WFDC3: variants seen among roughly 807,000 people sequenced by gnomAD.
The protein encoded by WFDC3 is WAP four-disulfide core domain 3, also known as WAP four-disulfide core domain protein 3.
In WFDC3, 15 loss-of-function variants were observed where a neutral mutation model predicts 25.8. The ratio of observed to expected loss-of-function variants is 0.58; its 90% confidence interval spans 0.39 to 0.89. The LOEUF is 0.89. Among genes scored for constraint, WFDC3 ranks in the 40% least tolerant of loss-of-function variants. The pLI is 0.00. For synonymous variants in WFDC3, 103 were observed against 107.1 expected (o/e 0.96, Z 0.24); for missense variants, 264 against 289.8 (o/e 0.91, Z 0.65).
rs141215025 is a variant in WFDC3, at chr20:45,787,177, CTT to C, written c.358+657_358+658del. Among the ~76,000 whole-genome samples the C allele has an allele frequency of 6.9e-3, 928 of 134,402 alleles. 5 individuals carry two copies. The highest frequency in any genetic ancestry group is 0.019 in the South Asian group (80 of 4,198). 88.2% of individuals were successfully genotyped at this position (134,402 alleles called of 152,430 possible). ...GCCACCTTCCATAGGCATCAAGATT[CTT>C]TTTTTTTTTTCTGTCTCTGCAGATT... On this transcript the variant is annotated intron_variant, in intron 4 of 6. Transcript: ENST00000243938.
intron 2 of WFDC3, 144 bp from the exon 3 acceptor site, chr20:45,789,203 C>G (rs1980827809): frequency 2.0e-6 from 2 of 997,092 alleles, no homozygotes. Flanking sequence ...GACCCTGTCT[C>G]TTAAAAAAAA....
At chr20:45,775,017 A>G (rs1279079452) in intron 6 of WFDC3, among the ~76,000 whole-genome samples, 1 of 151,140 alleles carries the variant, frequency 6.6e-6, no homozygotes, top group African/African-American at 2.4e-5. Context: ...CCTCCCAAAC[A>G]TATCCCACAC....
chr20:45,778,281 T>C (rs111621993), intron 4 of WFDC3, among the ~76,000 whole-genome samples: 3 of 152,214 alleles, frequency 2.0e-5, no homozygotes, highest in African/African-American at 7.2e-5. Flanking sequence ...AGCTCCCAGA[T>C]GAATGCAGCT....
At chr20:45,774,512 C>T (rs1568696378) in intron 6 of WFDC3, 68 bp from the exon 7 acceptor site, 2 of 1,611,350 alleles carry the variant, frequency 1.2e-6, no homozygotes, top group Non-Finnish European at 1.7e-6. Flanking sequence ...AATGTTTTCC[C>T]TCCACCCTAG....
intron 4 of WFDC3, among the ~76,000 whole-genome samples, chr20:45,783,947 C>T (rs1390522955): frequency 6.6e-6 from 1 of 152,182 alleles, no homozygotes; most frequent in African/African-American, 2.4e-5. Context: ...CTAGGAACCC[C>T]GCTCAGCCCA....
intron 2 of WFDC3, among the ~76,000 whole-genome samples, chr20:45,789,355 A>G (rs1444045885): frequency 2.0e-4 from 31 of 151,712 alleles, no homozygotes; most frequent in Admixed American, 2.0e-3. Flanking sequence ...AAATACAAAA[A>G]ATTAGCTGGG....
At chr20:45,782,929 G>T (rs1390498918) in intron 4 of WFDC3, among the ~76,000 whole-genome samples, 1 of 152,144 alleles carries the variant, frequency 6.6e-6, no homozygotes, top group African/African-American at 2.4e-5. Flanking sequence ...ACCCCCGAAA[G>T]TCTGGGCCCT....
chr20:45,775,590 T>A lies in WFDC3; in HGVS notation c.506A>T (p.Asp169Val). 1 of 1,614,050 alleles carries A rather than the reference T, an allele frequency of 6.2e-7. No homozygotes were observed. The highest frequency in any genetic ancestry group is 8.5e-7 in the Non-Finnish European group (1 of 1,180,010). The change falls in exon 6 of 7, where the codon GAT (aspartate) becomes GTT (valine). Residue 169 changes from aspartate (D) to valine (V), a missense_variant. Asp to Val is a radical substitution (Grantham distance 152, BLOSUM62 -3). Coordinates refer to ENST00000243938, the MANE Select transcript of WFDC3 (RefSeq NM_080614.2). ...LGDIEGGRGG[D>V]CPKVLVGLCI... ...CAGGCCCACCAGAACTTTTGGACAA[T>A]CACCGCCCCGCCCTGTGGGAACAAC...
intron 3 of WFDC3, chr20:45,788,691 A>T: frequency 2.4e-6 from 1 of 419,928 alleles, no homozygotes; most frequent in Non-Finnish European, 4.1e-6. Flanking sequence ...CTTCACAGGA[A>T]CTTTGAGTCC....
intron 4 of WFDC3, among the ~76,000 whole-genome samples, chr20:45,777,969 G>A (rs1219616777): frequency 6.6e-6 from 1 of 152,124 alleles, no homozygotes; most frequent in Non-Finnish European, 1.5e-5. Flanking sequence ...TACAATGGTG[G>A]CCTCCAGTGA....
At chr20:45,780,858 C>T (rs1470113708) in intron 4 of WFDC3, among the ~76,000 whole-genome samples, 1 of 152,188 alleles carries the variant, frequency 6.6e-6, no homozygotes, top group Admixed American at 6.5e-5. Flanking sequence ...GAGAGACAGA[C>T]AACTAGAGAG....
chr20:45,776,629 AAAAAAAAT>A (rs1980183819), intron 5 of WFDC3, among the ~76,000 whole-genome samples: 1 of 67,156 alleles, frequency 1.5e-5, no homozygotes, highest in Non-Finnish European at 2.6e-5. Flanking sequence ...AAAGAAAAAA[AAAAAAAAT>A]ATATATATAT....
At chr20:45,788,744 TG>T in intron 3 of WFDC3, 186 bp downstream of exon 3, 1 of 707,774 alleles carries the variant, frequency 1.4e-6, no homozygotes, top group Non-Finnish European at 2.2e-6. Flanking sequence ...TCTTTCCTGA[TG>T]GAAGGCAAAC....
At chr20:45,780,884 G>A (rs1394424950) in intron 4 of WFDC3, among the ~76,000 whole-genome samples, 1 of 152,122 alleles carries the variant, frequency 6.6e-6, no homozygotes, top group Non-Finnish European at 1.5e-5. Context: ...TTGGCCTGAG[G>A]TCAATGGTAG....
At position 45,774,437 on chromosome 20, in the gene WFDC3, C is replaced by G. The variant is rs149882811; in HGVS notation, c.687G>C (p.Pro229=). 4.3e-6 allele frequency: 7 copies of G among 1,613,982 alleles called. No individual in the cohort carries two copies. In the African/African-American group the frequency reaches 9.3e-5, roughly 22 times the overall value. The change falls in exon 7 of 7, where the codon CCG becomes CCC. Residue 229 remains proline, a synonymous_variant. Coordinates refer to ENST00000243938, the MANE Select transcript of WFDC3 (RefSeq NM_080614.2). ...TVRSDSELEI[P]VP Reference sequence around the variant, plus strand: ...AGACAAATCAGCACAGCTAGGGCACCGGGATCTCTGCAAGTAGAAGAAACA... The same window carrying G: ...AGACAAATCAGCACAGCTAGGGCACGGGGATCTCTGCAAGTAGAAGAAACA...
chr20:45,787,537 C>T (rs1259734003), intron 4 of WFDC3, among the ~76,000 whole-genome samples: 6 of 151,902 alleles, frequency 3.9e-5, no homozygotes, highest in Non-Finnish European at 5.9e-5. Context: ...GTGATCCGCC[C>T]GCCTTGGCCT....
intron 4 of WFDC3, among the ~76,000 whole-genome samples, chr20:45,781,262 G>GACAC (rs10630278): frequency 0.019 from 2,828 of 150,316 alleles, 93 homozygotes; most frequent in African/African-American, 0.066. Context: ...CACACACATA[G>GACAC]ACACACACAC....
Position 45,787,978 on chromosome 20 carries a change from C to A in WFDC3, c.216G>T (p.Arg72Ser). Residue 72 changes from arginine (R) to serine (S), a missense_variant, in exon 4 of 7, where the codon AGG (arginine) becomes AGT (serine). Physicochemically the swap from Arg to Ser is moderately radical, Grantham distance 110. Coordinates refer to ENST00000243938, the MANE Select transcript of WFDC3 (RefSeq NM_080614.2). ...GAATAACCCTAGGGCAATCTCTTTT[C>A]CTCCCTGTAGCAAAAAGGGAGACAG... is the stretch of plus-strand genomic sequence containing the variant. The part of the protein sequence containing the change: ...GRICRDIPKG[R>S]KRDCPRVIRK... The A allele has an allele frequency of 6.2e-7, 1 of 1,612,062 alleles. No homozygotes were observed. The highest frequency in any genetic ancestry group is 1.7e-5 in the Admixed American group (1 of 59,638).
At chr20:45,785,460 C>CAA (rs59167815) in intron 4 of WFDC3, among the ~76,000 whole-genome samples, 23 of 72,506 alleles carry the variant, frequency 3.2e-4, no homozygotes, top group Middle Eastern at 9.6e-3. Flanking sequence ...CAGCCTGTCT[C>CAA]AAAAAAAAAA....
Sources: gnomAD v4.1 joint callset for allele counts (sites outside exome capture counted in the v4.1 genomes callset) on GRCh38, gnomAD v4.1.1 for gene constraint, MANE v1.5 for transcripts, NCBI Gene and HGNC (gene_info 2026-07-23, HGNC 2026-07-21) for gene names.